JSRP1: variants seen among roughly 807,000 people sequenced by gnomAD.
JSRP1 encodes the protein junctional sarcoplasmic reticulum protein 1, also known as 2310032K21Rik.
A neutral mutation model predicts 21.4 loss-of-function variants in JSRP1; 29 were observed. The observed-to-expected ratio is 1.36, with a 90% CI of 1.01 to 1.85. JSRP1 has a LOEUF of 1.85. Among genes scored for constraint, JSRP1 ranks in the 40% most tolerant of loss-of-function variants. The pLI, the probability that JSRP1 is intolerant of heterozygous loss-of-function variation, is 0.00. For missense variants in JSRP1, 531 were observed against 461.5 expected, an observed-to-expected ratio of 1.15 and a Z score of -1.38; for synonymous variants, 221 against 206.1, an observed-to-expected ratio of 1.07 and a Z score of -0.62.
intron 1 of JSRP1, among the ~76,000 whole-genome samples, chr19:2,255,821 T>C (rs2025138651): frequency 6.6e-6 from 1 of 152,158 alleles, no homozygotes; most frequent in Non-Finnish European, 1.5e-5. Flanking sequence ...CACCCTGACT[T>C]GCCATTCTGG....
In JSRP1 at chr19:2,252,317, C is replaced by T; in HGVS notation, c.*12G>A. ...TCCAGAAGGGGCCCCTGGACTCCGGCGCGGGGCCGGCTCAGTCCCGCCCCT... is the reference window on the plus strand; with the variant it reads ...TCCAGAAGGGGCCCCTGGACTCCGGTGCGGGGCCGGCTCAGTCCCGCCCCT... On this transcript the variant is annotated 3_prime_UTR_variant, in exon 7 of 7. Coordinates refer to ENST00000300961, the MANE Select transcript of JSRP1 (RefSeq NM_144616.4). 3.4e-6 allele frequency: 5 copies of T among 1,451,612 alleles called. No homozygotes were observed. The highest frequency in any genetic ancestry group is 4.5e-6 in the Non-Finnish European group (5 of 1,108,194). 89.9% of individuals were successfully genotyped at this position (1,451,612 alleles called of 1,614,324 possible). A position where few individuals can be genotyped will look rare whatever the true frequency, so the allele number is the denominator to read the frequency against.
At position 2,252,927 on chromosome 19, in the gene JSRP1, C is replaced by G. The variant is rs1359926763; in HGVS notation, c.513G>C (p.Glu171Asp). The change falls in exon 6 of 7, where the codon GAG becomes GAC. Residue 171 changes from glutamate (E) to aspartate (D), a missense_variant. Physicochemically the swap from Glu to Asp is conservative, Grantham distance 45. Transcript: ENST00000300961. ...PWVPPSSAPR[E>D]PSSPLPKFEA... The stretch of plus-strand genomic sequence containing the variant: ...AAGCTCTTACCAGGGGCGACGATGG[C>G]TCCCTCGGGGCTGAGCTTGGCGGGA... 1 of 1,609,742 alleles carries G rather than the reference C, an allele frequency of 6.2e-7. No individual in the cohort carries two copies. Among genetic ancestry groups the G allele is most frequent in the Non-Finnish European group, 8.5e-7 (1 of 1,178,330 alleles).
Position 2,256,382 on chromosome 19 carries a change from C to G in JSRP1, c.-31+1G>C, listed in dbSNP as rs1048554099. 2 of 152,446 alleles carry G rather than the reference C, an allele frequency of 1.3e-5. No individual in the cohort carries two copies. Among genetic ancestry groups the G allele is most frequent in the African/African-American group, 4.8e-5 (2 of 41,454 alleles). The allele number at this position is 152,446 out of a possible 1,614,324, so 9.4% of individuals were successfully genotyped here. A position where few individuals can be genotyped will look rare whatever the true frequency, so the allele number is the denominator to read the frequency against. ...CTTCCTTACCCCCGAGCCTCGCTTA[C>G]CCGCCAGCCGCTTTGCTGAGCCTTG... On this transcript the variant is annotated splice_donor_variant, in intron 1 of 6. Transcript: ENST00000300961. LOFTEE classifies it low-confidence loss of function (5UTR_SPLICE).
chr19:2,254,496 G>A lies in JSRP1; in HGVS notation c.110-14C>T, dbSNP rs376871953. ...GCCTGGGTGTCGCTGTGGGAACACA[G>A]GCAGAGTCAAGGTTGTGGGGACCCC... is the stretch of plus-strand genomic sequence containing the variant. On this transcript the variant is annotated splice_polypyrimidine_tract_variant and intron_variant, in intron 2 of 6. Transcript: ENST00000300961. 6.2e-7 allele frequency: 1 copy of A among 1,612,592 alleles called. No individual in the cohort carries two copies. The highest frequency in any genetic ancestry group is 8.5e-7 in the Non-Finnish European group (1 of 1,179,916).
At chr19:2,254,508 G>T (rs373140415) in intron 2 of JSRP1, 26 bp from the exon 3 acceptor site, 224 of 1,611,856 alleles carry the variant, frequency 1.4e-4, no homozygotes, top group Non-Finnish European at 1.9e-4. Flanking sequence ...CAGAGTCAAG[G>T]TTGTGGGGAC....
rs780042820 is a variant in JSRP1, at chr19:2,253,671, C to G, written c.385G>C (p.Val129Leu). 2.1e-5 allele frequency: 32 copies of G among 1,509,716 alleles called. No individual in the cohort carries two copies. The African/African-American group carries it at 3.0e-4, about 14-fold the overall frequency. 93.5% of individuals were successfully genotyped at this position (1,509,716 alleles called of 1,614,324 possible). ...AGCAGCGCCACCAGCGAGGCGAGCACCAGGCACTTGTTGAGCGACAGGTCT... is the reference window on the plus strand; with the variant it reads ...AGCAGCGCCACCAGCGAGGCGAGCAGCAGGCACTTGTTGAGCGACAGGTCT... ...WGDLSLNKCL[V>L]LASLVALLGS... The change falls in exon 5 of 7, where the codon GTG (valine) becomes CTG (leucine). Residue 129 changes from valine (V) to leucine (L), a missense_variant. By Grantham distance (32) the Val-to-Leu change is conservative. Transcript: ENST00000300961.
chr19:2,252,484 A>T lies in JSRP1; in HGVS notation c.841T>A (p.Trp281Arg). Residue 281 changes from tryptophan (W) to arginine (R), a missense_variant, in exon 7 of 7, where the codon TGG (tryptophan) becomes AGG (arginine). Coordinates refer to ENST00000300961, the MANE Select transcript of JSRP1 (RefSeq NM_144616.4). The part of the protein sequence containing the change: ...REPREALPQR[W>R]ESREGGHRPW... Reference sequence around the variant, plus strand: ...CGGTGGCCCCCTTCGCGTGACTCCCAGCGCTGGGGTAGGGCTTCCCGGGGC... The same window carrying T: ...CGGTGGCCCCCTTCGCGTGACTCCCTGCGCTGGGGTAGGGCTTCCCGGGGC... 1 of 1,611,954 alleles carries T rather than the reference A, an allele frequency of 6.2e-7. No individual in the cohort carries two copies. Among genetic ancestry groups the T allele is most frequent in the East Asian group, 2.2e-5 (1 of 44,832 alleles).
intron 6 of JSRP1, 27 bp downstream of exon 6, chr19:2,252,885 C>T (rs1356745964): frequency 1.2e-6 from 2 of 1,603,362 alleles, no homozygotes; most frequent in Non-Finnish European, 1.7e-6. Context: ...GTCCCAATGC[C>T]CGCGGTCAGT....
At position 2,252,259 on chromosome 19, in the gene JSRP1, G is replaced by A; in HGVS notation, c.*70C>T. 1 of 1,334,128 alleles carries A rather than the reference G, an allele frequency of 7.5e-7. No homozygotes were observed. Among genetic ancestry groups the A allele is most frequent in the African/African-American group, 1.5e-5 (1 of 67,696 alleles). The allele number at this position is 1,334,128 out of a possible 1,614,324, so 82.6% of individuals were successfully genotyped here. ...AGGAGCAGGTGACTCTGCGGCCGCA[G>A]CACTCGCTTTATTTCGCCAGAGTCG... is the stretch of plus-strand genomic sequence containing the variant. On this transcript the variant is annotated 3_prime_UTR_variant, in exon 7 of 7. Coordinates refer to ENST00000300961, the MANE Select transcript of JSRP1 (RefSeq NM_144616.4).
In JSRP1 at chr19:2,252,731, T is replaced by G. The variant is rs1169819951; in HGVS notation, c.594A>C (p.Arg198Ser). The G allele has an allele frequency of 6.2e-7, 1 of 1,612,418 alleles. No homozygotes were observed. Among genetic ancestry groups the G allele is most frequent in the Non-Finnish European group, 8.5e-7 (1 of 1,179,926 alleles). Residue 198 changes from arginine (R) to serine (S), a missense_variant, in exon 7 of 7, where the codon AGA (arginine) becomes AGC (serine). Physicochemically the swap from Arg to Ser is moderately radical, Grantham distance 110 (BLOSUM62 -1). Transcript: ENST00000300961. ...CCTCCCGACTCCCGGGAATCTTGGG[T>G]CTGACCTCTGCCTCGGCCCGGGGCG... ...PPAPRAEAEV[R>S]PKIPGSREAA...
Position 2,254,262 on chromosome 19 carries a change from G to A in JSRP1, c.187C>T (p.Pro63Ser), listed in dbSNP as rs756720508. 5 of 1,605,432 alleles carry A rather than the reference G, an allele frequency of 3.1e-6. No individual in the cohort carries two copies. The highest frequency in any genetic ancestry group is 4.3e-6 in the Non-Finnish European group (5 of 1,175,848). ...GCAGGCTCTTTTTCCATCTTCTTGG[G>A]CCTGGTGTCCACACTGGGGCCTTCA... ...VAEGPSVDTR[P>S]KKMEKEPAAR... The change falls in exon 4 of 7, where the codon CCC (proline) becomes TCC (serine). Residue 63 changes from proline (P) to serine (S), a missense_variant. Physicochemically the swap from Pro to Ser is moderately conservative, Grantham distance 74 (BLOSUM62 -1). Transcript: ENST00000300961.
intron 2 of JSRP1, among the ~76,000 whole-genome samples, chr19:2,254,791 C>T (rs545194247): frequency 3.3e-5 from 5 of 151,542 alleles, no homozygotes; most frequent in African/African-American, 9.7e-5. Flanking sequence ...ACTTGGGAGG[C>T]TGAGGCAGGA....
chr19:2,255,359 G>T lies in JSRP1; in HGVS notation c.-30-15C>A. 1 of 1,332,210 alleles carries T rather than the reference G, an allele frequency of 7.5e-7. No individual in the cohort carries two copies. Among genetic ancestry groups the T allele is most frequent in the Non-Finnish European group, 1.1e-6 (1 of 945,596 alleles). 82.5% of individuals were successfully genotyped at this position (1,332,210 alleles called of 1,614,324 possible). On this transcript the variant is annotated splice_polypyrimidine_tract_variant and intron_variant, in intron 1 of 6. Coordinates refer to ENST00000300961, the MANE Select transcript of JSRP1 (RefSeq NM_144616.4). Reference sequence around the variant, plus strand: ...CCCAGGCCAGGCTGGGAGGGGTGGGGAACAAGGTCTTGCATTTACTGAGTC... The same window carrying T: ...CCCAGGCCAGGCTGGGAGGGGTGGGTAACAAGGTCTTGCATTTACTGAGTC...
chr19:2,253,683 T>G lies in JSRP1; in HGVS notation c.373A>C (p.Asn125His), dbSNP rs2025101162. The G allele has an allele frequency of 6.6e-7, 1 of 1,510,844 alleles. No homozygotes were observed. Among genetic ancestry groups the G allele is most frequent in the South Asian group, 1.2e-5 (1 of 81,398 alleles). The allele number at this position is 1,510,844 out of a possible 1,614,324, so 93.6% of individuals were successfully genotyped here. ...AGCGAGGCGAGCACCAGGCACTTGT[T>G]GAGCGACAGGTCTCCCCAGGGCAGC... is the stretch of plus-strand genomic sequence containing the variant. ...EELPWGDLSLNKCLVLASLVA... is the reference protein window; with the variant it reads ...EELPWGDLSLHKCLVLASLVA... The change falls in exon 5 of 7, where the codon AAC becomes CAC. Residue 125 changes from asparagine to histidine, a missense_variant. Coordinates refer to ENST00000300961, the MANE Select transcript of JSRP1 (RefSeq NM_144616.4).
chr19:2,255,948 TG>T (rs923737904), intron 1 of JSRP1, among the ~76,000 whole-genome samples: 2 of 152,124 alleles, frequency 1.3e-5, no homozygotes, highest in Non-Finnish European at 2.9e-5. Flanking sequence ...CGGTTGTGGT[TG>T]GGGGTCTTCT....
rs575166184 is a variant in JSRP1 at position 2,253,803 on chromosome 19, C to T, written c.263-10G>A. The T allele has an allele frequency of 3.6e-4, 498 of 1,380,406 alleles. No individual in the cohort carries two copies. The highest frequency in any genetic ancestry group is 1.6e-3 in the Middle Eastern group (6 of 3,706). The allele number at this position is 1,380,406 out of a possible 1,614,324, so 85.5% of individuals were successfully genotyped here. The stretch of plus-strand genomic sequence containing the variant: ...GGGACGCTCCGAGGGCCTGCGGGGG[C>T]AAGTGCGCGCTGCGCTGTGGTCACT... On this transcript the variant is annotated splice_polypyrimidine_tract_variant and intron_variant, in intron 4 of 6. Transcript: ENST00000300961.
intron 2 of JSRP1, among the ~76,000 whole-genome samples, chr19:2,254,868 G>A (rs2025125255): frequency 6.6e-6 from 1 of 151,996 alleles, no homozygotes; most frequent in Non-Finnish European, 1.5e-5. Context: ...CTCCAGCATG[G>A]AAGACAGAAT....
rs1212872130 is a variant in JSRP1 at position 2,252,767 on chromosome 19, T to C, written c.558A>G (p.Ser186=). Residue 186 remains serine (S), a synonymous_variant, in exon 7 of 7, where the codon TCA becomes TCG. Transcript: ENST00000300961. The stretch of plus-strand genomic sequence containing the variant: ...CCTCGGCCCGGGGCGCAGGCGGCGC[T>C]GATGGAGGCGCCTGGGCCTCGAACT... ...LPKFEAQAPP[S]APPAPRAEAE... 3 of 1,612,116 alleles carry C rather than the reference T, an allele frequency of 1.9e-6. No individual in the cohort carries two copies. The highest frequency in any genetic ancestry group is 8.5e-7 in the Non-Finnish European group (1 of 1,179,678).
Position 2,252,742 on chromosome 19 carries a change from C to T in JSRP1, c.583G>A (p.Ala195Thr). ...CCGGGAATCTTGGGTCTGACCTCTG[C>T]CTCGGCCCGGGGCGCAGGCGGCGCT... ...PSAPPAPRAE[A>T]EVRPKIPGSR... The change falls in exon 7 of 7, where the codon GCA (alanine) becomes ACA (threonine). Residue 195 changes from alanine (A) to threonine (T), a missense_variant. Physicochemically the swap from Ala to Thr is moderately conservative, Grantham distance 58 (BLOSUM62 0). Coordinates refer to ENST00000300961, the MANE Select transcript of JSRP1 (RefSeq NM_144616.4). The T allele has an allele frequency of 6.2e-7, 1 of 1,612,560 alleles. No individual in the cohort carries two copies. The highest frequency in any genetic ancestry group is 8.5e-7 in the Non-Finnish European group (1 of 1,179,894).
Sources: allele counts gnomAD v4.1 joint callset (sites outside exome capture counted in the v4.1 genomes callset), GRCh38; gene constraint gnomAD v4.1.1; transcripts MANE v1.5; gene names NCBI Gene and HGNC (gene_info 2026-07-23, HGNC 2026-07-21).